The following GINS1 variants were observed in gnomAD, a reference collection of about 807,000 sequenced individuals.
The protein encoded by GINS1 is DNA replication complex GINS protein PSF1.
Under a neutral mutation model 34.9 loss-of-function variants are expected in GINS1, and 26 were observed. The observed-to-expected ratio is 0.74, with a 90% CI of 0.55 to 1.03. The LOEUF is 1.03. Ranked by LOEUF, GINS1 falls within the 50% of genes least tolerant of loss-of-function variation. GINS1 has a pLI of 0.00. For missense variants in GINS1, 235 were observed against 237.9 expected (o/e 0.99, Z 0.08); for synonymous variants, 97 against 84.4 (o/e 1.15, Z -0.82).
chr20:25,429,027 C>T (rs1176660515), intron 5 of GINS1, among the ~76,000 whole-genome samples: 5 of 122,278 alleles, frequency 4.1e-5, no homozygotes, highest in Middle Eastern at 5.9e-3. Flanking sequence ...CTTGCTCTGT[C>T]GCCCAGGCTG....
chr20:25,423,909 C>T (rs372973398), intron 4 of GINS1, among the ~76,000 whole-genome samples: 4 of 152,104 alleles, frequency 2.6e-5, no homozygotes, highest in Non-Finnish European at 5.9e-5. Flanking sequence ...CCACCGTGCC[C>T]GGCCTTTTTT....
At chr20:25,434,548 A>G (rs1568807733) in intron 5 of GINS1, among the ~76,000 whole-genome samples, 1 of 152,088 alleles carries the variant, frequency 6.6e-6, no homozygotes, top group Non-Finnish European at 1.5e-5. Flanking sequence ...CCTGGGCTCA[A>G]TCAATCTCCT....
At chr20:25,443,476 C>CTTTTT (rs11482627) in intron 6 of GINS1, among the ~76,000 whole-genome samples, 2 of 124,730 alleles carry the variant, frequency 1.6e-5, no homozygotes, top group African/African-American at 3.1e-5. Flanking sequence ...GGTTGAATTT[C>CTTTTT]TTTTTTTTTT....
chr20:25,417,562 A>G (rs914284059), intron 3 of GINS1, among the ~76,000 whole-genome samples: 7 of 152,156 alleles, frequency 4.6e-5, no homozygotes, highest in African/African-American at 1.7e-4. Context: ...TGTCTTAGAA[A>G]TAAGGACCTT....
intron 4 of GINS1, among the ~76,000 whole-genome samples, chr20:25,424,802 TC>T (rs2090381041): frequency 1.3e-5 from 2 of 152,354 alleles, no homozygotes; most frequent in South Asian, 4.1e-4. Flanking sequence ...TAAATAATGT[TC>T]CATCATATGG....
intron 5 of GINS1, among the ~76,000 whole-genome samples, chr20:25,439,293 C>A (rs2090470098): frequency 6.6e-6 from 1 of 152,084 alleles, no homozygotes; most frequent in African/African-American, 2.4e-5. Context: ...CTGATGTAGA[C>A]CTAACTTCCA....
chr20:25,421,059 A>G (rs577765257), intron 4 of GINS1: 68 of 639,924 alleles, frequency 1.1e-4, no homozygotes, highest in African/African-American at 8.3e-4. Context: ...ACCCAAGGAT[A>G]GTGCTTCAAT....
chr20:25,428,967 CTCTTTTTTTTTTTTTT>C (rs2090410004), intron 5 of GINS1, among the ~76,000 whole-genome samples: 1 of 114,162 alleles, frequency 8.8e-6, no homozygotes, highest in East Asian at 2.6e-4. Context: ...TCATTCCTCT[CTCTTTTTTTTTTTTTT>C]TTTTTTTTTT....
chr20:25,442,570 A>G (rs1394562428), intron 6 of GINS1, among the ~76,000 whole-genome samples: 1 of 151,526 alleles, frequency 6.6e-6, no homozygotes. Context: ...TTCACATTAG[A>G]TGAATTCACG....
At chr20:25,434,164 G>A (rs2090441580) in intron 5 of GINS1, among the ~76,000 whole-genome samples, 1 of 151,810 alleles carries the variant, frequency 6.6e-6, no homozygotes, top group Non-Finnish European at 1.5e-5. Context: ...CGAGCTTGTA[G>A]TTTCAGCTAC....
intron 4 of GINS1, chr20:25,421,040 A>G (rs1341297618): frequency 1.3e-6 from 1 of 799,380 alleles, no homozygotes. Flanking sequence ...CATCATAGGT[A>G]TCTGTATTAC....
rs1411775521 is a variant in GINS1, at chr20:25,447,221, G to A, written c.*1230G>A. 1 of 152,082 alleles carries A rather than the reference G, an allele frequency of 6.6e-6. No homozygotes were observed. Among genetic ancestry groups the A allele is most frequent in the East Asian group, 1.9e-4 (1 of 5,190 alleles). 9.4% of individuals were successfully genotyped at this position (152,082 alleles called of 1,614,324 possible). ...CGCCTGGCTAATTTTTGTATTTTTA[G>A]TAGAGACAGAGTTTTACCATGTTGG... is the stretch of plus-strand genomic sequence containing the variant. On this transcript the variant is annotated 3_prime_UTR_variant, in exon 7 of 7. Transcript: ENST00000262460.
At chr20:25,434,515 A>T (rs2090443856) in intron 5 of GINS1, among the ~76,000 whole-genome samples, 1 of 151,852 alleles carries the variant, frequency 6.6e-6, no homozygotes, top group Non-Finnish European at 1.5e-5. Flanking sequence ...TGGTACAATC[A>T]TAGTTCACTA....
chr20:25,434,394 G>A (rs1470561769), intron 5 of GINS1, among the ~76,000 whole-genome samples: 3 of 151,846 alleles, frequency 2.0e-5, no homozygotes, highest in Admixed American at 6.6e-5. Flanking sequence ...CATTTGAGCA[G>A]CTAAAACAAA....
intron 5 of GINS1, among the ~76,000 whole-genome samples, chr20:25,433,581 C>T (rs899004983): frequency 1.3e-5 from 2 of 151,744 alleles, no homozygotes; most frequent in African/African-American, 4.8e-5. Flanking sequence ...CAGACACAAC[C>T]ATCCATTTGT....
At chr20:25,409,140 C>A in intron 1 of GINS1, 2 of 465,466 alleles carry the variant, frequency 4.3e-6, no homozygotes, top group Non-Finnish European at 5.6e-6. Flanking sequence ...AGAGGGTGAC[C>A]AATAGGGCCT....
At chr20:25,412,170 A>C (rs1213196934) in intron 1 of GINS1, among the ~76,000 whole-genome samples, 1 of 152,148 alleles carries the variant, frequency 6.6e-6, no homozygotes, top group Non-Finnish European at 1.5e-5. Flanking sequence ...TTTGCCCGAA[A>C]CTGGATACTA....
In GINS1 at chr20:25,428,376, C is replaced by A. The variant is rs192191718; in HGVS notation, c.447+3049C>A. ...ACTTTATTTTTTTGCATGTGGAAATCTAGCTTTCCAAGCATAATTTCTTTT... is the reference window on the plus strand; with the variant it reads ...ACTTTATTTTTTTGCATGTGGAAATATAGCTTTCCAAGCATAATTTCTTTT... On this transcript the variant is annotated intron_variant, in intron 5 of 6. Coordinates refer to ENST00000262460, the MANE Select transcript of GINS1 (RefSeq NM_021067.5). 1.4e-3 allele frequency among the ~76,000 whole-genome samples: 191 copies of A among 134,922 alleles called. 1 individual carries two copies. The highest frequency in any genetic ancestry group is 2.3e-3 in the Non-Finnish European group (145 of 62,202). The allele number at this position is 134,922 out of a possible 152,430, so 88.5% of individuals were successfully genotyped here.
intron 6 of GINS1, among the ~76,000 whole-genome samples, chr20:25,443,693 G>T (rs867427079): frequency 1.5e-4 from 23 of 151,742 alleles, no homozygotes; most frequent in African/African-American, 4.6e-4. Flanking sequence ...TGTTGGCCAG[G>T]CTGGTTTCAA....
Sources: gnomAD v4.1 joint callset for allele counts (sites outside exome capture counted in the v4.1 genomes callset) on GRCh38, gnomAD v4.1.1 for gene constraint, MANE v1.5 for transcripts, NCBI Gene and HGNC (gene_info 2026-07-23, HGNC 2026-07-21) for gene names.